Variants in GBE1 observed in about 807,000 individuals in gnomAD.
GBE1 encodes the protein 1,4-alpha-glucan-branching enzyme.
A neutral mutation model predicts 88.8 loss-of-function variants in GBE1; 70 were observed. The observed-to-expected ratio is 0.79, with a 90% CI of 0.65 to 0.96. GBE1 has a LOEUF of 0.96. Among genes scored for constraint, GBE1 ranks in the 40% least tolerant of loss-of-function variants. The pLI is 0.00. For synonymous variants in GBE1, 284 were observed against 300.1 expected (o/e 0.95, Z 0.56); for missense variants, 872 against 871.0 (o/e 1.00, Z -0.01).
At chr3:81,533,528 G>A (rs1357247140) in intron 14 of GBE1, among the ~76,000 whole-genome samples, 1 of 152,050 alleles carries the variant, frequency 6.6e-6, no homozygotes, top group African/African-American at 2.4e-5. Context: ...ATGTCACTGA[G>A]CAGCATGGGG....
chr3:81,632,358 C>A (rs182584581), intron 7 of GBE1, among the ~76,000 whole-genome samples: 1 of 151,730 alleles, frequency 6.6e-6, no homozygotes, highest in African/African-American at 2.4e-5. Flanking sequence ...AACAAATTTA[C>A]GAGAAAAAAA....
At chr3:81,522,610 T>C (rs180841532) in intron 14 of GBE1, among the ~76,000 whole-genome samples, 98 of 151,700 alleles carry the variant, frequency 6.5e-4, no homozygotes, top group African/African-American at 2.3e-3. Flanking sequence ...ATTTAGACCA[T>C]TACATCTTCA....
intron 7 of GBE1, among the ~76,000 whole-genome samples, chr3:81,602,245 GA>G (rs1482962257): frequency 6.6e-6 from 1 of 152,074 alleles, no homozygotes; most frequent in African/African-American, 2.4e-5. Context: ...GGCACAGCAG[GA>G]ATATATTTTT....
intron 12 of GBE1, among the ~76,000 whole-genome samples, chr3:81,544,696 C>T (rs1703183176): frequency 6.6e-6 from 1 of 152,168 alleles, no homozygotes; most frequent in African/African-American, 2.4e-5. Context: ...CCATTCATGT[C>T]TGGTTAATTG....
intron 1 of GBE1, among the ~76,000 whole-genome samples, chr3:81,720,752 G>A (rs1340595479): frequency 2.6e-5 from 4 of 151,762 alleles, no homozygotes; most frequent in African/African-American, 9.7e-5. Flanking sequence ...ACATGCACAC[G>A]TATGTTTATT....
At chr3:81,494,155 T>C (rs1390366908) in intron 15 of GBE1, among the ~76,000 whole-genome samples, 2 of 152,212 alleles carry the variant, frequency 1.3e-5, no homozygotes, top group Non-Finnish European at 2.9e-5. Flanking sequence ...CTTTGTGGTA[T>C]AGGCAACATG....
chr3:81,729,831 C>T (rs1706161894), intron 1 of GBE1, among the ~76,000 whole-genome samples: 1 of 152,092 alleles, frequency 6.6e-6, no homozygotes, highest in Admixed American at 6.6e-5. Flanking sequence ...CTTCCCCTCA[C>T]CATATCTGAC....
chr3:81,612,219 T>TAA, intron 7 of GBE1: 7 of 280,376 alleles, frequency 2.5e-5, no homozygotes, highest in East Asian at 1.1e-4. Flanking sequence ...CCACGCTCCT[T>TAA]TAAAAAAAAA....
In GBE1 at chr3:81,716,161, T is replaced by A. The variant is rs147006950; in HGVS notation, c.144-10548A>T. 3.3e-5 allele frequency among the ~76,000 whole-genome samples: 5 copies of A among 152,288 alleles called. No homozygotes were observed. In the South Asian group the frequency reaches 1.0e-3, roughly 32 times the overall value. On this transcript the variant is annotated intron_variant, in intron 1 of 15. Transcript: ENST00000429644. ...AAATTGTTAGTGTCTTATTTTCTGA[T>A]GTGAAGGAATAAAAGCTAATTAAGT...
At chr3:81,704,248 C>T (rs577128293) in intron 2 of GBE1, among the ~76,000 whole-genome samples, 4 of 152,008 alleles carry the variant, frequency 2.6e-5, no homozygotes, top group Admixed American at 2.0e-4. Flanking sequence ...ACGTAAGTGG[C>T]TTGCATTTTA....
At chr3:81,682,187 G>A (rs958415630) in intron 2 of GBE1, among the ~76,000 whole-genome samples, 3 of 152,182 alleles carry the variant, frequency 2.0e-5, no homozygotes, top group African/African-American at 4.8e-5. Context: ...CAAGGGCTGG[G>A]TGTGGTGGCT....
chr3:81,729,596 G>A (rs1451600160), intron 1 of GBE1, among the ~76,000 whole-genome samples: 1 of 152,150 alleles, frequency 6.6e-6, no homozygotes, highest in African/African-American at 2.4e-5. Flanking sequence ...TTGACCTCTA[G>A]GAAGAAGTAC....
intron 12 of GBE1, among the ~76,000 whole-genome samples, chr3:81,551,714 C>G (rs897147141): frequency 2.6e-5 from 4 of 152,180 alleles, no homozygotes; most frequent in African/African-American, 4.8e-5. Flanking sequence ...CAAAACTGCT[C>G]TGACCAAGCT....
At chr3:81,594,149 T>C (rs1189038644) in intron 7 of GBE1, 126 bp from the exon 8 acceptor site, 9 of 485,818 alleles carry the variant, frequency 1.9e-5, no homozygotes, top group Non-Finnish European at 2.9e-5. Flanking sequence ...TCAAGAAACA[T>C]AACATATATA....
chr3:81,585,814 A>G (rs1458834543), intron 10 of GBE1, among the ~76,000 whole-genome samples: 1 of 152,210 alleles, frequency 6.6e-6, no homozygotes, highest in Non-Finnish European at 1.5e-5. Context: ...CTGAAGTTTC[A>G]TATAATTGCA....
intron 15 of GBE1, among the ~76,000 whole-genome samples, chr3:81,495,590 CATT>C (rs1702490446): frequency 6.6e-6 from 1 of 152,034 alleles, no homozygotes; most frequent in South Asian, 2.1e-4. Context: ...TTCTAATTCT[CATT>C]ATTTTGCATT....
At chr3:81,650,994 C>A (rs1704843391) in intron 3 of GBE1, among the ~76,000 whole-genome samples, 1 of 152,120 alleles carries the variant, frequency 6.6e-6, no homozygotes, top group African/African-American at 2.4e-5. Flanking sequence ...AGCTTTTACA[C>A]AAAGTTGCCT....
At chr3:81,567,754 A>C (rs1442270915) in intron 12 of GBE1, among the ~76,000 whole-genome samples, 2 of 151,872 alleles carry the variant, frequency 1.3e-5, no homozygotes, top group East Asian at 3.9e-4. Flanking sequence ...TATCATTGTC[A>C]CTCTTTTGAC....
intron 12 of GBE1, among the ~76,000 whole-genome samples, chr3:81,575,011 A>C (rs1282242504): frequency 6.6e-6 from 1 of 151,958 alleles, no homozygotes; most frequent in Non-Finnish European, 1.5e-5. Context: ...AAAAAATACA[A>C]AAAATTAGCT....
Sources: allele counts gnomAD v4.1 joint callset (sites outside exome capture counted in the v4.1 genomes callset), GRCh38; gene constraint gnomAD v4.1.1; transcripts MANE v1.5; gene names NCBI Gene and HGNC (gene_info 2026-07-23, HGNC 2026-07-21).